Variants in GABRA5 observed in about 807,000 individuals in gnomAD.
GABRA5 encodes gamma-aminobutyric acid receptor subunit alpha-5.
In GABRA5, 18 loss-of-function variants were observed where a neutral mutation model predicts 47.3. The ratio of observed to expected loss-of-function variants is 0.38; its 90% CI spans 0.26 to 0.56. GABRA5 has a LOEUF of 0.56. Among genes scored for constraint, GABRA5 ranks in the 20% least tolerant of loss-of-function variants. GABRA5 has a pLI of 0.71. For missense variants in GABRA5, 365 were observed against 599.3 expected (o/e 0.61, Z 4.08); for synonymous variants, 237 against 229.3 (o/e 1.03, Z -0.30).
At chr15:26,874,840 A>C (rs557105966) in intron 3 of GABRA5, among the ~76,000 whole-genome samples, 2 of 152,236 alleles carry the variant, frequency 1.3e-5, no homozygotes, top group Admixed American at 1.3e-4. Flanking sequence ...AGTTTTAACA[A>C]GAACAATTGG....
intron 6 of GABRA5, among the ~76,000 whole-genome samples, chr15:26,891,923 C>T (rs1264781340): frequency 6.6e-6 from 1 of 152,250 alleles, no homozygotes; most frequent in African/African-American, 2.4e-5. Context: ...CTGATGGTCT[C>T]ATCTCCTGCA....
At chr15:26,922,993 A>AT (rs1893877933) in intron 7 of GABRA5, among the ~76,000 whole-genome samples, 1 of 152,204 alleles carries the variant, frequency 6.6e-6, no homozygotes, top group African/African-American at 2.4e-5. Flanking sequence ...TTCAAGTGAA[A>AT]TATGAAAACC....
chr15:26,936,032 C>G (rs1894232451), intron 7 of GABRA5, among the ~76,000 whole-genome samples: 1 of 152,228 alleles, frequency 6.6e-6, no homozygotes, highest in East Asian at 1.9e-4. Context: ...GGGGGCAATT[C>G]CCCCATGCTG....
intron 6 of GABRA5, among the ~76,000 whole-genome samples, chr15:26,903,288 T>G (rs531534779): frequency 6.6e-6 from 1 of 152,112 alleles, no homozygotes; most frequent in African/African-American, 2.4e-5. Context: ...AAGGACATGA[T>G]CTTCTTTTTT....
intron 10 of GABRA5, among the ~76,000 whole-genome samples, chr15:26,944,248 A>G (rs994561936): frequency 1.3e-5 from 2 of 152,220 alleles, no homozygotes; most frequent in Non-Finnish European, 2.9e-5. Flanking sequence ...GTTACAGCAG[A>G]GCAGGAGGCC....
In GABRA5 at chr15:26,883,043, C is replaced by T; in HGVS notation, c.209-123C>T. On this transcript the variant is annotated intron_variant, in intron 4 of 10. Transcript: ENST00000335625. The surrounding 1 kb of genome is among the most constrained non-coding windows in gnomAD (Gnocchi z 4.8). The stretch of plus-strand genomic sequence containing the variant: ...TAATTGTCAAGTCCTCCAAATTTAC[C>T]AAACGCACTGCAAAAGCCCCCGGTT... 1 of 779,430 alleles carries T rather than the reference C, an allele frequency of 1.3e-6. No individual in the cohort carries two copies. The highest frequency in any genetic ancestry group is 2.3e-6 in the Non-Finnish European group (1 of 431,882). The allele number at this position is 779,430 out of a possible 1,614,324, so 48.3% of individuals were successfully genotyped here. A position where few individuals can be genotyped will look rare whatever the true frequency, so the allele number is the denominator to read the frequency against.
chr15:26,869,191 G>A lies in GABRA5; in HGVS notation c.-58G>A. The A allele has an allele frequency of 1.9e-6, 2 of 1,031,020 alleles. No individual in the cohort carries two copies. Among genetic ancestry groups the A allele is most frequent in the South Asian group, 1.3e-5 (1 of 79,112 alleles). The allele number at this position is 1,031,020 out of a possible 1,614,324, so 63.9% of individuals were successfully genotyped here. On this transcript the variant is annotated 5_prime_UTR_variant, in exon 3 of 11. Transcript: ENST00000335625. ...GCTTTTCAGCTTCAAGAACAAGCTG[G>A]AGAAGGGAAGAGTTATTCCTCCATA...
rs187807256 is a variant in GABRA5, at chr15:26,891,638, A to G, written c.497+8081A>G. On this transcript the variant is annotated intron_variant, in intron 6 of 10. Transcript: ENST00000335625. Reference sequence around the variant, plus strand: ...CACCGAAGCACGTTTAGGGAAGACAAAGTGCTTCATGTCTGCAGAGTGTTC... The same window carrying G: ...CACCGAAGCACGTTTAGGGAAGACAGAGTGCTTCATGTCTGCAGAGTGTTC... Among the ~76,000 whole-genome samples, 378 of 152,308 alleles carry G rather than the reference A, an allele frequency of 2.5e-3. 6 individuals carry two copies. The highest frequency in any genetic ancestry group is 1.1e-3 in the Non-Finnish European group (78 of 68,024).
At chr15:26,888,333 A>C (rs1892928173) in intron 6 of GABRA5, among the ~76,000 whole-genome samples, 1 of 152,194 alleles carries the variant, frequency 6.6e-6, no homozygotes, top group Admixed American at 6.5e-5. Flanking sequence ...TTTGAGGACC[A>C]TTTTTCAGCA....
chr15:26,939,643 C>A (rs1047957988), intron 8 of GABRA5: 4 of 598,810 alleles, frequency 6.7e-6, no homozygotes, highest in Non-Finnish European at 1.2e-5. Flanking sequence ...GAGAGAGGCA[C>A]AGATTGTGAC....
chr15:26,893,033 G>A (rs1595404506), intron 6 of GABRA5, among the ~76,000 whole-genome samples: 2 of 151,078 alleles, frequency 1.3e-5, no homozygotes, highest in East Asian at 3.9e-4. Flanking sequence ...GCGTTTGTAT[G>A]TATGGAGTGT....
chr15:26,871,300 T>C (rs143451864), intron 3 of GABRA5, among the ~76,000 whole-genome samples: 56 of 152,364 alleles, frequency 3.7e-4, no homozygotes, highest in African/African-American at 1.3e-3. Context: ...CCCTGGTAGA[T>C]GCAGGTCTGA....
chr15:26,948,390 T>C lies in GABRA5; in HGVS notation c.*157T>C. On this transcript the variant is annotated 3_prime_UTR_variant, in exon 11 of 11. Coordinates refer to ENST00000335625, the MANE Select transcript of GABRA5 (RefSeq NM_000810.4). The stretch of plus-strand genomic sequence containing the variant: ...ACAAATAATATTGCCTTGATGTTTC[T>C]ATATGTAACTTCAGATGTTTCCAAG... 1.5e-6 allele frequency: 1 copy of C among 664,372 alleles called. No homozygotes were observed. The allele number at this position is 664,372 out of a possible 1,614,324, so 41.2% of individuals were successfully genotyped here.
chr15:26,948,280 G>T lies in GABRA5; in HGVS notation c.*47G>T, dbSNP rs1894564816. 2.5e-6 allele frequency: 4 copies of T among 1,574,066 alleles called. No homozygotes were observed. The highest frequency in any genetic ancestry group is 2.3e-4 in the Middle Eastern group (1 of 4,408). ...AAGACAGCCATACTTCCAGCGAAAT[G>T]GTACCAAGGAGAGGTCTTGCTCACA... On this transcript the variant is annotated 3_prime_UTR_variant, in exon 11 of 11. Transcript: ENST00000335625.
chr15:26,872,488 G>T (rs955717867), intron 3 of GABRA5, among the ~76,000 whole-genome samples: 1 of 152,190 alleles, frequency 6.6e-6, no homozygotes, highest in Admixed American at 6.5e-5. Context: ...AGACAAGAGG[G>T]AACGTAATTC....
At position 26,920,334 on chromosome 15, in the gene GABRA5, C is replaced by G. The variant is rs546034027; in HGVS notation, c.580+5449C>G. On this transcript the variant is annotated intron_variant, in intron 7 of 10. Coordinates refer to ENST00000335625, the MANE Select transcript of GABRA5 (RefSeq NM_000810.4). ...CTTGCTCCTCTGACTGAATAATTTC[C>G]AGTGATCTATTTTTGAATTCATTGA... Among the ~76,000 whole-genome samples the G allele has an allele frequency of 4.0e-5, 6 of 151,750 alleles. No homozygotes were observed. The South Asian group carries it at 1.3e-3, about 32-fold the overall frequency.
intron 6 of GABRA5, among the ~76,000 whole-genome samples, chr15:26,888,532 C>T (rs746300459): frequency 9.9e-5 from 15 of 152,060 alleles, no homozygotes; most frequent in Admixed American, 1.3e-4. Flanking sequence ...GATGGATGAC[C>T]GTCCCTTAAT....
At chr15:26,869,383 C>A (rs755687476) in intron 3 of GABRA5, 49 bp downstream of exon 3, 6 of 1,125,476 alleles carry the variant, frequency 5.3e-6, no homozygotes, top group Non-Finnish European at 8.2e-6. Flanking sequence ...GACACTGGTG[C>A]CTTTCAGACA....
At chr15:26,898,816 C>A (rs1425768537) in intron 6 of GABRA5, among the ~76,000 whole-genome samples, 1 of 151,238 alleles carries the variant, frequency 6.6e-6, no homozygotes, top group Non-Finnish European at 1.5e-5. Flanking sequence ...TTAATGTGGG[C>A]ATTCAGAGCT....
Sources: gnomAD v4.1 joint callset for allele counts (sites outside exome capture counted in the v4.1 genomes callset) on GRCh38, gnomAD v4.1.1 for gene constraint, Gnocchi (gnomAD v3.1) non-coding constraint, MANE v1.5 for transcripts, NCBI Gene and HGNC (gene_info 2026-07-23, HGNC 2026-07-21) for gene names.